EVI5: variants seen among roughly 807,000 people sequenced by gnomAD.
The protein encoded by EVI5 is ecotropic viral integration site 5.
EVI5 carries 73 observed loss-of-function variants against 112.0 expected under a neutral mutation model. The observed-to-expected ratio is 0.65, with a 90% confidence interval of 0.54 to 0.79. The LOEUF (loss-of-function observed/expected upper bound fraction) is 0.79. EVI5 is among the 30% of genes least tolerant of loss of function. The probability of loss-of-function intolerance (pLI) is 0.00; values close to 1 mark genes in which losing one functional copy is unlikely to be tolerated. For synonymous variants in EVI5, 305 were observed against 319.9 expected, an observed-to-expected ratio of 0.95 and a Z score of 0.50; for missense variants, 900 against 968.8, an observed-to-expected ratio of 0.93 and a Z score of 0.94.
intron 9 of EVI5, among the ~76,000 whole-genome samples, chr1:92,686,564 G>T (rs1332649989): frequency 1.3e-5 from 2 of 152,140 alleles, no homozygotes; most frequent in Non-Finnish European, 2.9e-5. Context: ...GCAAGAGAAA[G>T]AAATACAGGG....
chr1:92,691,107 A>G (rs147536217), intron 9 of EVI5, among the ~76,000 whole-genome samples: 128 of 152,346 alleles, frequency 8.4e-4, no homozygotes, highest in Non-Finnish European at 1.4e-3. Flanking sequence ...GTGCTGATCT[A>G]AATTTTTAAA....
intron 18 of EVI5, among the ~76,000 whole-genome samples, chr1:92,578,396 T>C (rs991552882): frequency 1.3e-5 from 2 of 152,096 alleles, no homozygotes; most frequent in Non-Finnish European, 2.9e-5. Context: ...TGGCTTGAAC[T>C]GAACATAGCC....
At chr1:92,693,999 T>G (rs1463688450) in intron 8 of EVI5, 100 bp from the exon 9 acceptor site, 1 of 784,766 alleles carries the variant, frequency 1.3e-6, no homozygotes, top group African/African-American at 1.7e-5. Context: ...TGGTGGCTCA[T>G]GCTTGTAATC....
chr1:92,708,693 CA>C (rs1028701960), intron 2 of EVI5, among the ~76,000 whole-genome samples: 3 of 150,954 alleles, frequency 2.0e-5, no homozygotes, highest in Admixed American at 2.0e-4. Context: ...TTCATGATAT[CA>C]AAAAAAAGAA....
At chr1:92,783,755 T>C (rs1558258461) in intron 1 of EVI5, among the ~76,000 whole-genome samples, 3 of 137,532 alleles carry the variant, frequency 2.2e-5, no homozygotes, top group African/African-American at 8.3e-5. Context: ...GAGGTTGCAG[T>C]GAACCAACGT....
chr1:92,783,808 CAAAAAAA>C (rs58484805), intron 1 of EVI5, among the ~76,000 whole-genome samples: 1 of 94,306 alleles, frequency 1.1e-5, no homozygotes, highest in Non-Finnish European at 2.1e-5. Flanking sequence ...GACTCCCTGT[CAAAAAAA>C]AAAAAAAAAA....
At chr1:92,551,040 C>CTTTTCTTT (rs1666836932) in intron 19 of EVI5, among the ~76,000 whole-genome samples, 9 of 80,728 alleles carry the variant, frequency 1.1e-4, no homozygotes, top group South Asian at 5.1e-4. Context: ...TTCTTTCTTT[C>CTTTTCTTT]TTTTTTTTTT....
At chr1:92,662,607 G>A in intron 13 of EVI5, 112 bp downstream of exon 13, 1 of 724,664 alleles carries the variant, frequency 1.4e-6, no homozygotes, top group Non-Finnish European at 1.8e-6. Context: ...AAAGTTCAAA[G>A]TCTAAAACAA....
chr1:92,666,045 G>C, intron 10 of EVI5, 53 bp from the exon 11 acceptor site: 1 of 1,179,468 alleles, frequency 8.5e-7, no homozygotes, highest in Non-Finnish European at 1.2e-6. Flanking sequence ...GGAAAAAAAA[G>C]ATTTCTAAAT....
At chr1:92,675,011 T>C (rs1666484969) in intron 10 of EVI5, among the ~76,000 whole-genome samples, 1 of 152,220 alleles carries the variant, frequency 6.6e-6, no homozygotes, top group Non-Finnish European at 1.5e-5. Flanking sequence ...TCTTCAGGCA[T>C]ATGAACTATA....
chr1:92,526,669 A>T (rs1661931590), intron 19 of EVI5, among the ~76,000 whole-genome samples: 1 of 152,198 alleles, frequency 6.6e-6, no homozygotes, highest in Non-Finnish European at 1.5e-5. Context: ...TGGAGACAGT[A>T]AGCAGTGGTT....
intron 1 of EVI5, chr1:92,749,308 T>C (rs780797957): frequency 4.6e-6 from 1 of 217,956 alleles, no homozygotes; most frequent in African/African-American, 2.4e-5. Flanking sequence ...GAGCTCTCCT[T>C]ACTTAACCTC....
At chr1:92,767,564 T>C (rs886686787) in intron 1 of EVI5, among the ~76,000 whole-genome samples, 1 of 152,204 alleles carries the variant, frequency 6.6e-6, no homozygotes, top group African/African-American at 2.4e-5. Context: ...AAAAGATACA[T>C]GTGAAAAATC....
chr1:92,608,261 C>T (rs1650911973), intron 16 of EVI5, among the ~76,000 whole-genome samples: 1 of 152,058 alleles, frequency 6.6e-6, no homozygotes, highest in South Asian at 2.1e-4. Context: ...ACCATTTATA[C>T]AAAAAATAGG....
intron 2 of EVI5, among the ~76,000 whole-genome samples, chr1:92,719,481 C>T (rs186537855): frequency 1.1e-4 from 17 of 151,936 alleles, no homozygotes; most frequent in Admixed American, 3.9e-4. Context: ...AAAAGGTCTT[C>T]GACAAAATTC....
intron 14 of EVI5, among the ~76,000 whole-genome samples, chr1:92,635,150 C>A (rs1041129351): frequency 3.3e-5 from 5 of 152,230 alleles, no homozygotes; most frequent in African/African-American, 1.2e-4. Context: ...AGGAGGCAGT[C>A]TGTCGGTTCT....
chr1:92,640,921 C>T (rs1659837917), intron 13 of EVI5, among the ~76,000 whole-genome samples: 1 of 152,128 alleles, frequency 6.6e-6, no homozygotes, highest in Admixed American at 6.5e-5. Context: ...GAGATCATGT[C>T]TTTTGCAGGG....
intron 12 of EVI5, 40 bp from the exon 13 acceptor site, chr1:92,662,905 T>C (rs1340577838): frequency 1.7e-6 from 2 of 1,196,940 alleles, no homozygotes; most frequent in African/African-American, 1.6e-5. Context: ...CAATTTAGGA[T>C]AGATTCAAGA....
intron 13 of EVI5, among the ~76,000 whole-genome samples, chr1:92,639,044 G>A (rs1301094046): frequency 6.6e-6 from 1 of 152,124 alleles, no homozygotes; most frequent in Non-Finnish European, 1.5e-5. Flanking sequence ...AATTATGATG[G>A]CTGGCAGTCT....
Sources: gnomAD v4.1 joint callset for allele counts (sites outside exome capture counted in the v4.1 genomes callset) on GRCh38, gnomAD v4.1.1 for gene constraint, MANE v1.5 for transcripts, NCBI Gene and HGNC (gene_info 2026-07-23, HGNC 2026-07-21) for gene names.